UGT8: variants seen among roughly 807,000 people sequenced by gnomAD.
UGT8 encodes the protein 2-hydroxyacylsphingosine 1-beta-galactosyltransferase.
Under a neutral mutation model 40.5 loss-of-function variants are expected in UGT8, and 12 were observed. The observed-to-expected ratio is 0.30, with a 90% confidence interval of 0.19 to 0.48. The LOEUF (loss-of-function observed/expected upper bound fraction) is 0.48, where lower values mean the gene tolerates loss of function less well. Among genes scored for constraint, UGT8 ranks in the 20% least tolerant of loss-of-function variants. The pLI, the probability that UGT8 is intolerant of heterozygous loss-of-function variation, is 0.99. For synonymous variants in UGT8, 224 were observed against 240.4 expected, an observed-to-expected ratio of 0.93 and a Z score of 0.63; for missense variants, 513 against 648.7, an observed-to-expected ratio of 0.79 and a Z score of 2.27.
chr4:114,615,985 C>A (rs1166431625), intron 1 of UGT8, among the ~76,000 whole-genome samples: 1 of 151,556 alleles, frequency 6.6e-6, no homozygotes, highest in African/African-American at 2.4e-5. Context: ...GAGTACCTGG[C>A]CATGTGAGGT....
At chr4:114,665,862 T>A in intron 4 of UGT8, 106 bp downstream of exon 4, 12 of 759,138 alleles carry the variant, frequency 1.6e-5, no homozygotes, top group South Asian at 2.4e-5. Context: ...ATACGGTATG[T>A]ATGTAGTATA....
At chr4:114,640,132 G>T (rs374793041) in intron 2 of UGT8, among the ~76,000 whole-genome samples, 46 of 147,724 alleles carry the variant, frequency 3.1e-4, no homozygotes, top group Admixed American at 5.5e-4. Context: ...CCGGGTTCAC[G>T]CCATTCTCCT....
At chr4:114,652,622 G>A (rs916804362) in intron 2 of UGT8, among the ~76,000 whole-genome samples, 3 of 151,962 alleles carry the variant, frequency 2.0e-5, no homozygotes, top group African/African-American at 7.2e-5. Flanking sequence ...GTGATAAATT[G>A]TATTAATGGA....
chr4:114,671,427 A>G (rs867508583), intron 5 of UGT8, among the ~76,000 whole-genome samples: 15 of 152,224 alleles, frequency 9.9e-5, no homozygotes, highest in African/African-American at 3.6e-4. Flanking sequence ...TTCAAACTAT[A>G]CTACAAGATT....
chr4:114,665,551 G>T lies in UGT8; in HGVS notation c.966-129G>T. 5.5e-6 allele frequency: 7 copies of T among 1,276,200 alleles called. No individual in the cohort carries two copies. In the South Asian group the frequency reaches 9.9e-5, roughly 18 times the overall value. The allele number at this position is 1,276,200 out of a possible 1,614,324, so 79.1% of individuals were successfully genotyped here. ...AAATATTTGCTGTTACCAAAGCATG[G>T]TTTCATTCTTAAGAATATCAACAAA... On this transcript the variant is annotated intron_variant, in intron 3 of 5. Transcript: ENST00000310836.
rs145517761 is a variant in UGT8, at chr4:114,663,122, C to T, written c.823-873C>T. Among the ~76,000 whole-genome samples, 497 of 152,090 alleles carry T rather than the reference C, an allele frequency of 3.3e-3. 2 individuals are homozygous for T. The highest frequency in any genetic ancestry group is 5.6e-3 in the Non-Finnish European group (380 of 67,990). The stretch of plus-strand genomic sequence containing the variant: ...ACAGGCGTGAGCCACCATGCCTGGC[C>T]GTGATGATACTTCTTATTGTGCAGT... On this transcript the variant is annotated intron_variant, in intron 2 of 5. Transcript: ENST00000310836.
chr4:114,607,257 T>C (rs1157514914), intron 1 of UGT8, among the ~76,000 whole-genome samples: 1 of 152,182 alleles, frequency 6.6e-6, no homozygotes, highest in Admixed American at 6.5e-5. Flanking sequence ...AAACTAAAGC[T>C]TCTTGCCTAG....
chr4:114,634,100 G>A (rs1273079813), intron 2 of UGT8, among the ~76,000 whole-genome samples: 1 of 152,166 alleles, frequency 6.6e-6, no homozygotes, highest in East Asian at 1.9e-4. Flanking sequence ...AAGTATATTT[G>A]GGAGGTAGAA....
At chr4:114,606,219 A>G (rs951619561) in intron 1 of UGT8, among the ~76,000 whole-genome samples, 6 of 152,160 alleles carry the variant, frequency 3.9e-5, no homozygotes, top group African/African-American at 1.2e-4. Context: ...CATAATATTC[A>G]TTATTCAGAG....
chr4:114,615,757 C>T (rs551242674), intron 1 of UGT8, among the ~76,000 whole-genome samples: 1 of 152,182 alleles, frequency 6.6e-6, no homozygotes, highest in Non-Finnish European at 1.5e-5. Flanking sequence ...ATTCTGCTTC[C>T]GTTTCACTCT....
At chr4:114,659,877 C>G (rs1317055977) in intron 2 of UGT8, among the ~76,000 whole-genome samples, 1 of 152,116 alleles carries the variant, frequency 6.6e-6, no homozygotes, top group Non-Finnish European at 1.5e-5. Flanking sequence ...GGTATTGGCA[C>G]AGAGATGGAT....
At chr4:114,618,192 T>C (rs1731558768) in intron 1 of UGT8, among the ~76,000 whole-genome samples, 1 of 152,232 alleles carries the variant, frequency 6.6e-6, no homozygotes, top group Non-Finnish European at 1.5e-5. Flanking sequence ...ATTAATCTAC[T>C]GTTGGCTTTA....
intron 5 of UGT8, among the ~76,000 whole-genome samples, chr4:114,673,958 A>T (rs972693278): frequency 6.6e-6 from 1 of 152,194 alleles, no homozygotes; most frequent in African/African-American, 2.4e-5. Context: ...TGAGGCATTG[A>T]TGAGAGAGAA....
In UGT8 at chr4:114,655,945, A is replaced by G. The variant is rs1457187302; in HGVS notation, c.823-8050A>G. On this transcript the variant is annotated intron_variant, in intron 2 of 5. Coordinates refer to ENST00000310836, the MANE Select transcript of UGT8 (RefSeq NM_001128174.3). ...CATTGTTTTGATGTTGTTGAAGGAT[A>G]TCGGCCTGTTGTATAGAATGTCCCT... Among the ~76,000 whole-genome samples, 6 of 152,234 alleles carry G rather than the reference A, an allele frequency of 3.9e-5. No individual in the cohort carries two copies. The East Asian group carries it at 1.2e-3, about 29-fold the overall frequency.
Position 114,676,176 on chromosome 4 carries a change from G to A in UGT8, c.1514G>A (p.Ser505Asn). The A allele has an allele frequency of 1.2e-6, 2 of 1,614,032 alleles. No individual in the cohort carries two copies. Among genetic ancestry groups the A allele is most frequent in the South Asian group, 2.2e-5 (2 of 91,076 alleles). ...AAATTTATCTACAGAAAAATCAAAAGTCTGTGGTCTAGAAATAAGCATAGC... is the reference window on the plus strand; with the variant it reads ...AAATTTATCTACAGAAAAATCAAAAATCTGTGGTCTAGAAATAAGCATAGC... ...VTKFIYRKIK[S>N]LWSRNKHSTV... The change falls in exon 6 of 6, where the codon AGT (serine) becomes AAT (asparagine). Residue 505 changes from serine (S) to asparagine (N), a missense_variant. Around this residue, in one of 3 missense-constraint regions of UGT8, gnomAD observed 175 missense variants for 186.7 expected, o/e 0.94. Transcript: ENST00000310836.
intron 2 of UGT8, among the ~76,000 whole-genome samples, chr4:114,654,008 C>T (rs562623526): frequency 1.3e-5 from 2 of 152,158 alleles, no homozygotes; most frequent in East Asian, 1.9e-4. Context: ...CTGCACTGCG[C>T]TCTGTCTTTG....
At chr4:114,618,204 A>C (rs1487297111) in intron 1 of UGT8, among the ~76,000 whole-genome samples, 1 of 152,180 alleles carries the variant, frequency 6.6e-6, no homozygotes, top group Non-Finnish European at 1.5e-5. Context: ...TTGGCTTTAT[A>C]GTGGTTTCTG....
intron 4 of UGT8, among the ~76,000 whole-genome samples, chr4:114,666,377 TGTTTTTTAACTAAATTA>T (rs1734880331): frequency 6.6e-6 from 1 of 152,160 alleles, no homozygotes; most frequent in African/African-American, 2.4e-5. Flanking sequence ...CTTTTAAGTG[TGTTTTTTAACTAAATTA>T]GTTTTTTAAC....
intron 2 of UGT8, among the ~76,000 whole-genome samples, chr4:114,643,967 G>A (rs777850734): frequency 1.1e-4 from 17 of 151,846 alleles, no homozygotes; most frequent in Non-Finnish European, 1.9e-4. Context: ...CTGTGACCTC[G>A]CGTGTGAACA....
Sources: gnomAD v4.1 joint callset for allele counts (sites outside exome capture counted in the v4.1 genomes callset) on GRCh38, gnomAD v4.1.1 for gene constraint, gnomAD v4.1.1 regional missense constraint, MANE v1.5 for transcripts, NCBI Gene and HGNC (gene_info 2026-07-23, HGNC 2026-07-21) for gene names.